Variants in ANKRD6 observed in about 807,000 individuals in gnomAD.
ANKRD6 encodes the protein ankyrin repeat domain 6.
A neutral mutation model predicts 82.3 loss-of-function variants in ANKRD6; 56 were observed. The observed-to-expected ratio is 0.68, with a 90% CI of 0.55 to 0.85. The LOEUF (loss-of-function observed/expected upper bound fraction) is 0.85. Among genes scored for constraint, ANKRD6 ranks in the 40% least tolerant of loss-of-function variants. The pLI is 0.00. For synonymous variants in ANKRD6, 347 were observed against 352.1 expected, an observed-to-expected ratio of 0.99 and a Z score of 0.16; for missense variants, 852 against 907.6, an observed-to-expected ratio of 0.94 and a Z score of 0.79.
chr6:89,587,878 C>T (rs887658737), intron 2 of ANKRD6, among the ~76,000 whole-genome samples: 1 of 152,196 alleles, frequency 6.6e-6, no homozygotes, highest in African/African-American at 2.4e-5. Context: ...CTGAAAGCTT[C>T]TTAAATTATA....
chr6:89,564,821 G>A (rs115902052), intron 1 of ANKRD6, among the ~76,000 whole-genome samples: 1 of 152,288 alleles, frequency 6.6e-6, no homozygotes, highest in African/African-American at 2.4e-5. Context: ...GAAGGGGGCC[G>A]TTGGGTCTAG....
intron 1 of ANKRD6, among the ~76,000 whole-genome samples, chr6:89,546,532 C>T (rs925937067): frequency 3.9e-5 from 6 of 152,050 alleles, no homozygotes; most frequent in Admixed American, 6.6e-5. Flanking sequence ...GGCGTGATCT[C>T]GGCTCACTGC....
At chr6:89,503,257 A>G (rs1779460876) in intron 1 of ANKRD6, among the ~76,000 whole-genome samples, 1 of 152,180 alleles carries the variant, frequency 6.6e-6, no homozygotes, top group Admixed American at 6.5e-5. Context: ...GTCCTCAGAA[A>G]TGGGGTCCCA....
At chr6:89,567,272 G>A (rs886396103) in intron 2 of ANKRD6, among the ~76,000 whole-genome samples, 176 bp downstream of exon 2, 4 of 152,234 alleles carry the variant, frequency 2.6e-5, no homozygotes, top group African/African-American at 9.6e-5. Context: ...CATCTTTCAA[G>A]TGGAGCAACT....
intron 6 of ANKRD6, among the ~76,000 whole-genome samples, chr6:89,613,134 T>A (rs1049985046): frequency 6.6e-6 from 1 of 152,182 alleles, no homozygotes; most frequent in African/African-American, 2.4e-5. Context: ...CAGTTCTTTA[T>A]TGTCTTTGTG....
In ANKRD6 at chr6:89,630,429, C is replaced by T. The variant is rs1057306652; in HGVS notation, c.1613-4C>T. On this transcript the variant is annotated splice_polypyrimidine_tract_variant and splice_region_variant and intron_variant, in intron 15 of 15. Coordinates refer to ENST00000339746, the MANE Select transcript of ANKRD6 (RefSeq NM_001242809.2). ...TCTCACGTTTGTTTTCCTTCTGAAA[C>T]CAGGTGTGGACCAATTAGTGGTGAC... is the stretch of plus-strand genomic sequence containing the variant. The T allele has an allele frequency of 6.2e-7, 1 of 1,601,972 alleles. No homozygotes were observed. Among genetic ancestry groups the T allele is most frequent in the African/African-American group, 1.3e-5 (1 of 74,346 alleles).
intron 1 of ANKRD6, among the ~76,000 whole-genome samples, chr6:89,503,762 G>A (rs11970525): frequency 0.015 from 2,324 of 152,278 alleles, 64 homozygotes; most frequent in African/African-American, 0.052. Flanking sequence ...GGTAACATTT[G>A]TACAAACACT....
intron 2 of ANKRD6, among the ~76,000 whole-genome samples, chr6:89,581,017 C>G (rs9353685): frequency 0.042 from 6,456 of 152,230 alleles, 625 homozygotes; most frequent in East Asian, 0.39. Context: ...CCTAGTCCTC[C>G]TCCCATGCTG....
intron 1 of ANKRD6, among the ~76,000 whole-genome samples, chr6:89,513,999 C>T (rs1022285027): frequency 6.6e-6 from 1 of 152,242 alleles, no homozygotes; most frequent in Non-Finnish European, 1.5e-5. Flanking sequence ...TTACATCAAG[C>T]TTGTCTCACC....
intron 3 of ANKRD6, chr6:89,598,433 T>G (rs1796361804): frequency 4.6e-6 from 4 of 867,026 alleles, no homozygotes; most frequent in Admixed American, 6.2e-5. Flanking sequence ...GAAAAAGAGG[T>G]CAGCAACTTG....
chr6:89,549,372 T>C (rs1204482475), intron 1 of ANKRD6, among the ~76,000 whole-genome samples: 1 of 135,600 alleles, frequency 7.4e-6, no homozygotes, highest in East Asian at 2.3e-4. Flanking sequence ...CAAGTTTGCC[T>C]CCCCACCCCC....
At chr6:89,558,093 T>A (rs1562807263) in intron 1 of ANKRD6, among the ~76,000 whole-genome samples, 1 of 152,222 alleles carries the variant, frequency 6.6e-6, no homozygotes, top group Non-Finnish European at 1.5e-5. Flanking sequence ...GTGGAAAAAC[T>A]GTCTTCCATT....
chr6:89,529,624 T>G (rs1782904798), intron 1 of ANKRD6, among the ~76,000 whole-genome samples: 1 of 152,246 alleles, frequency 6.6e-6, no homozygotes, highest in South Asian at 2.1e-4. Flanking sequence ...TGGCCTAGCT[T>G]TTGGCCTTTC....
At chr6:89,448,470 T>A (rs1772379557) in intron 1 of ANKRD6, among the ~76,000 whole-genome samples, 1 of 151,876 alleles carries the variant, frequency 6.6e-6, no homozygotes, top group African/African-American at 2.4e-5. Context: ...ACATCTACTC[T>A]GTCTGTGCCG....
intron 1 of ANKRD6, among the ~76,000 whole-genome samples, chr6:89,527,582 A>G (rs1782641729): frequency 7.0e-6 from 1 of 141,976 alleles, no homozygotes; most frequent in Admixed American, 7.2e-5. Flanking sequence ...TAACTGAGCA[A>G]GACAGGGAGA....
chr6:89,500,972 C>CTTTTTTTTT (rs35877637), intron 1 of ANKRD6, among the ~76,000 whole-genome samples: 1 of 121,822 alleles, frequency 8.2e-6, no homozygotes. Context: ...CCCAATTAGT[C>CTTTTTTTTT]TTTTTTTTTT....
In ANKRD6 at chr6:89,611,425, A is replaced by G. The variant is rs187352242; in HGVS notation, c.418-847A>G. ...GCTCTTGGATGACACAATGTCACCT[A>G]TCACACGGCCTTGCTTTCTTGTTAC... On this transcript the variant is annotated intron_variant, in intron 5 of 15. Coordinates refer to ENST00000339746, the MANE Select transcript of ANKRD6 (RefSeq NM_001242809.2). Among the ~76,000 whole-genome samples, 339 of 152,314 alleles carry G rather than the reference A, an allele frequency of 2.2e-3. 1 individual carries two copies. The highest frequency in any genetic ancestry group is 7.2e-3 in the African/African-American group (301 of 41,564).
At chr6:89,582,564 C>T (rs1170544203) in intron 2 of ANKRD6, among the ~76,000 whole-genome samples, 1 of 152,190 alleles carries the variant, frequency 6.6e-6, no homozygotes, top group African/African-American at 2.4e-5. Flanking sequence ...ATCATCACCA[C>T]CATCCATTTC....
chr6:89,574,273 C>T (rs1388800174), intron 2 of ANKRD6, among the ~76,000 whole-genome samples: 2 of 151,894 alleles, frequency 1.3e-5, no homozygotes, highest in East Asian at 3.9e-4. Flanking sequence ...TGGCTTCTTG[C>T]CATAGATGTG....
Sources: allele counts gnomAD v4.1 joint callset (sites outside exome capture counted in the v4.1 genomes callset), GRCh38; gene constraint gnomAD v4.1.1; transcripts MANE v1.5; gene names NCBI Gene and HGNC (gene_info 2026-07-23, HGNC 2026-07-21).